The following NCKAP5L variants were observed in gnomAD, a reference collection of about 807,000 sequenced individuals.
NCKAP5L encodes nck-associated protein 5-like.
NCKAP5L carries 54 observed loss-of-function variants against 103.2 expected under a neutral mutation model. The observed-to-expected ratio is 0.52, with a 90% CI of 0.42 to 0.66. NCKAP5L has a LOEUF of 0.66. Ranked by LOEUF, NCKAP5L falls within the 30% of genes least tolerant of loss-of-function variation. The pLI, the probability that NCKAP5L is intolerant of heterozygous loss-of-function variation, is 0.00. For missense variants in NCKAP5L, 1,733 were observed against 1,750.6 expected (o/e 0.99, Z 0.18); for synonymous variants, 762 against 748.6 (o/e 1.02, Z -0.29).
intron 5 of NCKAP5L, 188 bp from the exon 6 acceptor site, chr12:49,802,155 G>A: frequency 1.7e-6 from 1 of 601,512 alleles, no homozygotes; most frequent in Non-Finnish European, 2.8e-6. Flanking sequence ...CATCTTCTAG[G>A]GATGGTAAAT....
At chr12:49,806,368 C>A (rs1946179911) in intron 1 of NCKAP5L, among the ~76,000 whole-genome samples, 2 of 152,258 alleles carry the variant, frequency 1.3e-5, no homozygotes, top group South Asian at 2.1e-4. Context: ...TGGTACTTTA[C>A]AACCCGGTTC....
chr12:49,793,245 T>C lies in NCKAP5L; in HGVS notation c.3340+107A>G. 6.1e-6 allele frequency: 7 copies of C among 1,154,922 alleles called. 1 individual carries two copies. The highest frequency in any genetic ancestry group is 8.7e-6 in the Non-Finnish European group (7 of 803,360). The allele number at this position is 1,154,922 out of a possible 1,614,324, so 71.5% of individuals were successfully genotyped here. The stretch of plus-strand genomic sequence containing the variant: ...GCCCACCTGGTGCTTGGCACCAAGA[T>C]GGCACACAGAGCCTGGCACCTGCTG... On this transcript the variant is annotated intron_variant, in intron 10 of 12. Transcript: ENST00000335999.
intron 6 of NCKAP5L, among the ~76,000 whole-genome samples, chr12:49,800,064 G>A (rs1421345150): frequency 2.6e-5 from 4 of 152,272 alleles, no homozygotes; most frequent in Middle Eastern, 3.4e-3. Context: ...ACATGGTGGC[G>A]CATGCCTATA....
Position 49,796,253 on chromosome 12 carries a change from C to A in NCKAP5L, c.1607G>T (p.Arg536Ile), listed in dbSNP as rs772389358. ...GGTGGACAAGGCTGACTGCGGGGGT[C>A]TGAGCTGTGTGGAGTCTGGGGTTGT... ...CYTTPDSTQL[R>I]PPQSALSTTL... Residue 536 changes from arginine to isoleucine, a missense_variant, in exon 8 of 13, where the codon AGA (arginine) becomes ATA (isoleucine). By Grantham distance (97) the Arg-to-Ile change is moderately conservative. Coordinates refer to ENST00000335999, the MANE Select transcript of NCKAP5L (RefSeq NM_001037806.4). 2 of 1,568,192 alleles carry A rather than the reference C, an allele frequency of 1.3e-6. No individual in the cohort carries two copies. The highest frequency in any genetic ancestry group is 2.4e-5 in the South Asian group (2 of 82,728).
chr12:49,812,469 C>T (rs750930479), intron 1 of NCKAP5L, among the ~76,000 whole-genome samples: 4 of 151,940 alleles, frequency 2.6e-5, no homozygotes, highest in South Asian at 2.1e-4. Context: ...TTGTAACCTC[C>T]GCCGCTCAGG....
intron 1 of NCKAP5L, among the ~76,000 whole-genome samples, chr12:49,810,833 A>G (rs1460693947): frequency 6.6e-6 from 1 of 152,260 alleles, no homozygotes; most frequent in African/African-American, 2.4e-5. Context: ...AATTAATTAA[A>G]TAACTGTAAG....
At chr12:49,825,468 C>T (rs1425099235) in intron 1 of NCKAP5L, among the ~76,000 whole-genome samples, 1 of 152,202 alleles carries the variant, frequency 6.6e-6, no homozygotes, top group Admixed American at 6.5e-5. Flanking sequence ...CTTCGGCTGT[C>T]AGGCAAGGGC....
chr12:49,794,658 C>A, intron 8 of NCKAP5L, 107 bp downstream of exon 8: 5 of 882,958 alleles, frequency 5.7e-6, no homozygotes, highest in Non-Finnish European at 7.8e-6. Context: ...CTCTGGGAAG[C>A]CCCAGCTCCC....
At chr12:49,825,664 G>A (rs1946408031) in intron 1 of NCKAP5L, among the ~76,000 whole-genome samples, 1 of 152,214 alleles carries the variant, frequency 6.6e-6, no homozygotes, top group Non-Finnish European at 1.5e-5. Context: ...ACGGCTCACA[G>A]CGGTAAGGAA....
intron 1 of NCKAP5L, among the ~76,000 whole-genome samples, chr12:49,813,298 G>A (rs1387393623): frequency 1.3e-5 from 2 of 152,142 alleles, no homozygotes; most frequent in South Asian, 2.1e-4. Flanking sequence ...TCTCCATACC[G>A]TCACCACTTA....
intron 1 of NCKAP5L, among the ~76,000 whole-genome samples, chr12:49,824,039 G>A (rs1946389299): frequency 6.6e-6 from 1 of 152,248 alleles, no homozygotes; most frequent in Non-Finnish European, 1.5e-5. Context: ...AGGTGCTGAA[G>A]ACAGGGGTAC....
chr12:49,793,382 C>A lies in NCKAP5L; in HGVS notation c.3310G>T (p.Ala1104Ser). ...REEMPSEDSL[A>S]EPVPTSHFTA... ...AAGTGTGAGGTGGGCACTGGCTCGG[C>A]CAGGCTGTCCTCCGAGGGCATCTCT... Residue 1104 changes from alanine to serine, a missense_variant, in exon 10 of 13, where the codon GCC becomes TCC. Coordinates refer to ENST00000335999, the MANE Select transcript of NCKAP5L (RefSeq NM_001037806.4). The A allele has an allele frequency of 6.2e-7, 1 of 1,608,334 alleles. No individual in the cohort carries two copies.
Position 49,797,346 on chromosome 12 carries a change from C to T in NCKAP5L, c.514G>A (p.Ala172Thr), listed in dbSNP as rs200809419. 48 of 1,611,490 alleles carry T rather than the reference C, an allele frequency of 3.0e-5. No individual in the cohort carries two copies. The highest frequency in any genetic ancestry group is 1.3e-4 in the Admixed American group (8 of 59,882). Residue 172 changes from alanine (A) to threonine (T), a missense_variant, in exon 8 of 13, where the codon GCC becomes ACC. By Grantham distance (58) the Ala-to-Thr change is moderately conservative (BLOSUM62 0). Transcript: ENST00000335999. The surrounding 1 kb of genome is among the most constrained non-coding windows in gnomAD (Gnocchi z 4.5). The part of the protein sequence containing the change: ...LRPGGPGPPA[A>T]PPPALDALSP... Reference sequence around the variant, plus strand: ...AGGGCATCCAGCGCTGGGGGTGGGGCGGCTGGGGGGCCTGGGCCTCCTGGC... The same window carrying T: ...AGGGCATCCAGCGCTGGGGGTGGGGTGGCTGGGGGGCCTGGGCCTCCTGGC...
intron 6 of NCKAP5L, among the ~76,000 whole-genome samples, chr12:49,800,136 G>T (rs747881261): frequency 6.6e-6 from 1 of 152,180 alleles, no homozygotes; most frequent in Non-Finnish European, 1.5e-5. Flanking sequence ...CAGAGGTTGC[G>T]GTGAGCCGAG....
chr12:49,816,857 T>C (rs1289974232), intron 1 of NCKAP5L, among the ~76,000 whole-genome samples: 1 of 151,158 alleles, frequency 6.6e-6, no homozygotes, highest in Non-Finnish European at 1.5e-5. Flanking sequence ...CTCTGGCAAA[T>C]AGTACTAACC....
chr12:49,827,283 A>C (rs547320009), intron 1 of NCKAP5L, among the ~76,000 whole-genome samples: 23 of 152,092 alleles, frequency 1.5e-4, no homozygotes, highest in African/African-American at 5.5e-4. Context: ...ACAGACGCGG[A>C]GAAGTGGGAG....
intron 1 of NCKAP5L, among the ~76,000 whole-genome samples, chr12:49,821,143 G>T (rs1235429946): frequency 2.6e-5 from 4 of 152,182 alleles, no homozygotes; most frequent in Non-Finnish European, 5.9e-5. Flanking sequence ...CAGGAAAGCA[G>T]TCAGGGAGGA....
At chr12:49,794,651 T>A (rs2603105) in intron 8 of NCKAP5L, 114 bp downstream of exon 8, 279,289 of 806,294 alleles carry the variant, frequency 0.35, 48,361 homozygotes, top group African/African-American at 0.44. Context: ...TTTTGACCTC[T>A]GGGAAGCCCC....
At position 49,792,040 on chromosome 12, in the gene NCKAP5L, C is replaced by A; in HGVS notation, c.3804G>T (p.Val1268=). The change falls in exon 13 of 13, where the codon GTG becomes GTT. Residue 1268 remains valine (V), a synonymous_variant. Coordinates refer to ENST00000335999, the MANE Select transcript of NCKAP5L (RefSeq NM_001037806.4). This position sits in a 1 kb window ranked among gnomAD's most constrained non-coding sequence, Gnocchi z 4.5. ...TGGGCTCCTGGCTTCGCTTCCGGTC[C>A]ACGGGCAGGGCCTGGGAAAGGAGGG... The part of the protein sequence containing the change: ...GLPRTPMALP[V]DRKRSQEPSR... The A allele has an allele frequency of 6.5e-7, 1 of 1,549,512 alleles. No individual in the cohort carries two copies. The highest frequency in any genetic ancestry group is 1.2e-5 in the South Asian group (1 of 81,218).
Sources: allele counts gnomAD v4.1 joint callset (sites outside exome capture counted in the v4.1 genomes callset), GRCh38; gene constraint gnomAD v4.1.1; non-coding constraint Gnocchi (gnomAD v3.1); transcripts MANE v1.5; gene names NCBI Gene and HGNC (gene_info 2026-07-23, HGNC 2026-07-21).